PREX2: variants seen among roughly 807,000 people sequenced by gnomAD.
PREX2 encodes phosphatidylinositol-3,4,5-trisphosphate dependent Rac exchange factor 2, also known as phosphatidylinositol 3,4,5-trisphosphate-dependent Rac exchanger 2 protein.
In PREX2, 107 loss-of-function variants were observed where a neutral mutation model predicts 203.2. The ratio of observed to expected loss-of-function variants is 0.53; its 90% CI spans 0.45 to 0.62. The LOEUF is 0.62. PREX2 is among the 20% of genes least tolerant of loss of function. The pLI is 0.00. For synonymous variants in PREX2, 672 were observed against 663.6 expected (o/e 1.01, Z -0.19); for missense variants, 1,777 against 1,955.9 (o/e 0.91, Z 1.72).
At chr8:68,088,729 A>T (rs572836700) in intron 19 of PREX2, among the ~76,000 whole-genome samples, 6 of 152,342 alleles carry the variant, frequency 3.9e-5, no homozygotes, top group African/African-American at 1.4e-4. Context: ...AAATCTTCCC[A>T]ATAACTCATT....
In PREX2 at chr8:68,044,567, T is replaced by C; in HGVS notation, c.920T>C (p.Val307Ala). ...CGGATCAACACGGAGGTGATGGAAG[T>C]GGAGAATGTGGATGATGGCACCGGT... ...RGRINTEVME[V>A]ENVDDGTADF... Residue 307 changes from valine (V) to alanine (A), a missense_variant, in exon 8 of 40, where the codon GTG becomes GCG. Coordinates refer to ENST00000288368, the MANE Select transcript of PREX2 (RefSeq NM_024870.4). 1 of 1,612,524 alleles carries C rather than the reference T, an allele frequency of 6.2e-7. No homozygotes were observed. The highest frequency in any genetic ancestry group is 8.5e-7 in the Non-Finnish European group (1 of 1,178,850).
rs771760630 is a variant in PREX2 at position 68,068,988 on chromosome 8, C to T, written c.1340-45C>T. The T allele has an allele frequency of 1.5e-5, 12 of 776,996 alleles. No individual in the cohort carries two copies. In the African/African-American group the frequency reaches 1.7e-4, roughly 11 times the overall value. 48.1% of individuals were successfully genotyped at this position (776,996 alleles called of 1,614,324 possible). On this transcript the variant is annotated intron_variant, in intron 11 of 39. Transcript: ENST00000288368. ...AATTTATTTGCTGTTTATCTGCCCC[C>T]TTTTAGAGTATCGTTATTTTAATAT...
At chr8:68,104,127 C>A (rs947562249) in intron 23 of PREX2, among the ~76,000 whole-genome samples, 3 of 152,178 alleles carry the variant, frequency 2.0e-5, no homozygotes, top group African/African-American at 7.2e-5. Context: ...ACTTCCCTTT[C>A]TCTCACACCA....
chr8:68,203,814 C>G (rs1812555031), intron 37 of PREX2, among the ~76,000 whole-genome samples: 1 of 152,112 alleles, frequency 6.6e-6, no homozygotes, highest in Admixed American at 6.5e-5. Flanking sequence ...TTCAGTGTCT[C>G]AGATAAACAG....
Position 67,986,302 on chromosome 8 carries a change from C to T in PREX2, c.142-31544C>T, listed in dbSNP as rs966277181. On this transcript the variant is annotated intron_variant, in intron 1 of 39. Transcript: ENST00000288368. ...GGTACAGAGAAATTAGAGAAATTCC[C>T]AGAATCACCCAGCTCGGAAGTAGCA... is the stretch of plus-strand genomic sequence containing the variant. Among the ~76,000 whole-genome samples the T allele has an allele frequency of 9.2e-5, 14 of 151,972 alleles. 1 individual carries two copies. The highest frequency in any genetic ancestry group is 3.4e-4 in the African/African-American group (14 of 41,364).
At chr8:68,172,072 T>G (rs866609019) in intron 35 of PREX2, among the ~76,000 whole-genome samples, 7 of 152,216 alleles carry the variant, frequency 4.6e-5, no homozygotes, top group Non-Finnish European at 1.0e-4. Flanking sequence ...TAGGACTAGC[T>G]GTAAATCAAA....
chr8:68,221,051 G>T (rs1457668469), intron 38 of PREX2, among the ~76,000 whole-genome samples: 1 of 151,962 alleles, frequency 6.6e-6, no homozygotes, highest in Non-Finnish European at 1.5e-5. Context: ...AGTATCTGTT[G>T]TTTCCATCTT....
At chr8:68,163,510 A>T (rs916714680) in intron 35 of PREX2, among the ~76,000 whole-genome samples, 1 of 152,226 alleles carries the variant, frequency 6.6e-6, no homozygotes, top group Non-Finnish European at 1.5e-5. Flanking sequence ...TCATTTAGAT[A>T]GGTAGCTTTT....
chr8:68,231,540 T>C lies in PREX2; in HGVS notation c.*162T>C, dbSNP rs138259695. 6.2e-3 allele frequency: 2,964 copies of C among 477,504 alleles called. 13 individuals are homozygous for C. Among genetic ancestry groups the C allele is most frequent in the Middle Eastern group, 9.8e-3 (32 of 3,280 alleles). 29.6% of individuals were successfully genotyped at this position (477,504 alleles called of 1,614,324 possible). A position where few individuals can be genotyped will look rare whatever the true frequency, so the allele number is the denominator to read the frequency against. ...TTGCAAACAAGTAGTGATCAGTTTA[T>C]ACTTTGATATTTATGCTGGAAATGG... On this transcript the variant is annotated 3_prime_UTR_variant, in exon 40 of 40. Transcript: ENST00000288368.
At position 68,127,390 on chromosome 8, in the gene PREX2, G is replaced by A; in HGVS notation, c.3737G>A (p.Arg1246Lys). ...TCTTTCTCTGCAGAGGTAAAGTGTA[G>A]GCTACTCCTGGCTCTTCTTGAATAT... is the stretch of plus-strand genomic sequence containing the variant. Reference protein sequence around the residue: ...IRKFVEEVKCRLLLALLEYSD... With the variant: ...IRKFVEEVKCKLLLALLEYSD... Residue 1246 changes from arginine to lysine, a missense_variant, in exon 31 of 40, where the codon AGG becomes AAG. Physicochemically the swap from Arg to Lys is conservative, Grantham distance 26. Transcript: ENST00000288368. The A allele has an allele frequency of 6.2e-7, 1 of 1,606,730 alleles. No homozygotes were observed. The highest frequency in any genetic ancestry group is 1.1e-5 in the South Asian group (1 of 90,488).
At chr8:68,226,073 G>T (rs17450699) in intron 39 of PREX2, among the ~76,000 whole-genome samples, 1 of 151,920 alleles carries the variant, frequency 6.6e-6, no homozygotes, top group Non-Finnish European at 1.5e-5. Flanking sequence ...CACTCGAAAC[G>T]AAACGCAATA....
chr8:68,071,670 G>T (rs1197020108), intron 13 of PREX2, among the ~76,000 whole-genome samples: 1 of 152,112 alleles, frequency 6.6e-6, no homozygotes, highest in Non-Finnish European at 1.5e-5. Context: ...CTCAGTTCTG[G>T]GAAATCTACT....
At chr8:68,072,348 G>T in intron 13 of PREX2, 147 bp from the exon 14 acceptor site, 1 of 522,868 alleles carries the variant, frequency 1.9e-6, no homozygotes, top group South Asian at 2.7e-5. Context: ...TCTCTTATTT[G>T]CATGTAATTT....
rs976251027 is a variant in PREX2, at chr8:67,952,410, C to T, written c.16C>T (p.Arg6Cys). 2 of 1,564,142 alleles carry T rather than the reference C, an allele frequency of 1.3e-6. No individual in the cohort carries two copies. Among genetic ancestry groups the T allele is most frequent in the East Asian group, 2.4e-5 (1 of 41,494 alleles). Residue 6 changes from arginine (R) to cysteine (C), a missense_variant, in exon 1 of 40, where the codon CGC becomes TGC. By Grantham distance (180) the Arg-to-Cys change is radical. Transcript: ENST00000288368. MSEDS[R>C]GDSRAESAKD... The stretch of plus-strand genomic sequence containing the variant: ...GCCGCCGACCATGAGCGAGGACAGC[C>T]GCGGAGACAGCCGCGCCGAGAGCGC...
intron 37 of PREX2, among the ~76,000 whole-genome samples, chr8:68,204,588 C>T (rs1378128924): frequency 1.3e-5 from 2 of 151,900 alleles, no homozygotes; most frequent in Non-Finnish European, 2.9e-5. Flanking sequence ...AGCTGTTACC[C>T]ATCTCTGCTG....
Position 68,109,571 on chromosome 8 carries a change from A to C in PREX2, c.3094A>C (p.Lys1032Gln). 1 of 1,614,072 alleles carries C rather than the reference A, an allele frequency of 6.2e-7. No homozygotes were observed. Among genetic ancestry groups the C allele is most frequent in the African/African-American group, 1.3e-5 (1 of 75,050 alleles). ...TQDIYQKLLG[K>Q]LQTALKEVEM... The stretch of plus-strand genomic sequence containing the variant: ...AGACATCTATCAGAAACTGCTGGGC[A>C]AACTTCAGACTGCACTGAAAGAGGT... Residue 1032 changes from lysine (K) to glutamine (Q), a missense_variant, in exon 25 of 40, where the codon AAA (lysine) becomes CAA (glutamine). Coordinates refer to ENST00000288368, the MANE Select transcript of PREX2 (RefSeq NM_024870.4).
intron 35 of PREX2, among the ~76,000 whole-genome samples, chr8:68,165,279 T>G (rs539109289): frequency 1.3e-5 from 2 of 152,296 alleles, no homozygotes; most frequent in Admixed American, 6.5e-5. Flanking sequence ...TTATTTTCAT[T>G]CATTTCCCCA....
At chr8:68,197,920 T>G (rs1812430536) in intron 37 of PREX2, among the ~76,000 whole-genome samples, 1 of 151,846 alleles carries the variant, frequency 6.6e-6, no homozygotes, top group Non-Finnish European at 1.5e-5. Flanking sequence ...ATTAGTTTGG[T>G]GATTTATCTT....
intron 39 of PREX2, among the ~76,000 whole-genome samples, chr8:68,225,832 T>G (rs918048454): frequency 3.3e-5 from 5 of 152,194 alleles, no homozygotes; most frequent in Non-Finnish European, 7.3e-5. Context: ...ATCCAGCACC[T>G]TGGGAAGCAT....
Sources: gnomAD v4.1 joint callset for allele counts (sites outside exome capture counted in the v4.1 genomes callset) on GRCh38, gnomAD v4.1.1 for gene constraint, MANE v1.5 for transcripts, NCBI Gene and HGNC (gene_info 2026-07-23, HGNC 2026-07-21) for gene names.